The following NAV1 variants were observed in gnomAD, a reference collection of about 807,000 sequenced individuals.
The protein encoded by NAV1 is pore membrane and/or filament interacting like protein 3.
In NAV1, 18 loss-of-function variants were observed where a neutral mutation model predicts 175.2. The observed-to-expected ratio is 0.10, with a 90% CI of 0.07 to 0.15. NAV1 has a LOEUF of 0.15. Ranked by LOEUF, NAV1 falls within the 10% of genes least tolerant of loss-of-function variation. The probability of loss-of-function intolerance (pLI) is 1.00; values close to 1 mark genes in which losing one functional copy is unlikely to be tolerated. For synonymous variants in NAV1, 897 were observed against 978.7 expected, an observed-to-expected ratio of 0.92 and a Z score of 1.56; for missense variants, 1,731 against 2,436.6, an observed-to-expected ratio of 0.71 and a Z score of 6.10.
intron 1 of NAV1, among the ~76,000 whole-genome samples, chr1:201,684,578 G>A (rs1670601274): frequency 2.0e-5 from 3 of 148,800 alleles, no homozygotes; most frequent in Non-Finnish European, 3.0e-5. Flanking sequence ...AGGTTCAAGC[G>A]ATTCTCCTGC....
chr1:201,772,257 G>C (rs1448142397), intron 3 of NAV1, among the ~76,000 whole-genome samples: 1 of 152,162 alleles, frequency 6.6e-6, no homozygotes, highest in African/African-American at 2.4e-5. Flanking sequence ...TGGAAGACTT[G>C]GCATTTGATC....
chr1:201,640,191 G>T (rs1180781206), intron 2 of NAV1, among the ~76,000 whole-genome samples: 3 of 152,180 alleles, frequency 2.0e-5, no homozygotes, highest in Non-Finnish European at 4.4e-5. Context: ...CTGTAGCCCA[G>T]AGGAAAAATC....
At chr1:201,757,547 T>C (rs1014919028) in intron 3 of NAV1, among the ~76,000 whole-genome samples, 5 of 152,248 alleles carry the variant, frequency 3.3e-5, no homozygotes, top group Admixed American at 6.5e-5. Flanking sequence ...CTGCCTTCTT[T>C]CAGTTTCTAT....
chr1:201,732,953 C>T (rs1443818082), intron 3 of NAV1, among the ~76,000 whole-genome samples: 1 of 152,050 alleles, frequency 6.6e-6, no homozygotes, highest in Non-Finnish European at 1.5e-5. Context: ...TGCCTGTAAT[C>T]CCAGCTCCTC....
intron 22 of NAV1, 75 bp from the exon 27 acceptor site, chr1:201,809,871 A>G: frequency 7.3e-7 from 1 of 1,372,818 alleles, no homozygotes; most frequent in East Asian, 2.3e-5. Flanking sequence ...GTTTCCTCTG[A>G]TAGACATTCT....
At chr1:201,610,844 C>A (rs1667823431) in intron 2 of NAV1, among the ~76,000 whole-genome samples, 1 of 152,176 alleles carries the variant, frequency 6.6e-6, no homozygotes, top group Non-Finnish European at 1.5e-5. Context: ...ACACAGCCAG[C>A]CCCATCTTTT....
intron 1 of NAV1, among the ~76,000 whole-genome samples, chr1:201,684,231 G>T (rs1175929009): frequency 6.6e-6 from 1 of 152,104 alleles, no homozygotes. Flanking sequence ...TCCTTTAATG[G>T]GAGGAGGTTT....
At chr1:201,645,500 A>C (rs1668947303), upstream of NAV1, among the ~76,000 whole-genome samples, 1 of 152,040 alleles carries the variant, frequency 6.6e-6, no homozygotes, top group Non-Finnish European at 1.5e-5. Context: ...ATGTATATGT[A>C]TGTAACAAAC....
Position 201,718,264 on chromosome 1 carries a change from G to A in NAV1, c.861-126G>A, listed in dbSNP as rs750069612. 1.0e-6 allele frequency: 1 copy of A among 991,946 alleles called. No individual in the cohort carries two copies. Among genetic ancestry groups the A allele is most frequent in the Non-Finnish European group, 1.4e-6 (1 of 716,116 alleles). 61.4% of individuals were successfully genotyped at this position (991,946 alleles called of 1,614,324 possible). Reference sequence around the variant, plus strand: ...AGGCCTCATGGAGGAGGTGGAGCTTGGGCAGGTGGGGAGGAGGTGACAGGG... The same window carrying A: ...AGGCCTCATGGAGGAGGTGGAGCTTAGGCAGGTGGGGAGGAGGTGACAGGG... On this transcript the variant is annotated intron_variant, in intron 2 of 29. Transcript: ENST00000367296. The surrounding 1 kb of genome is among the most constrained non-coding windows in gnomAD (Gnocchi z 4.8).
chr1:201,781,276 A>C, exon 5 of NAV1: 1 of 1,613,466 alleles, frequency 6.2e-7, no homozygotes, highest in South Asian at 1.1e-5. Flanking sequence ...TTCCCCCATC[A>C]CTCACACAGC....
intron 2 of NAV1, among the ~76,000 whole-genome samples, chr1:201,611,530 T>G (rs2819380): frequency 0.31 from 47,862 of 152,000 alleles, 10,214 homozygotes; most frequent in African/African-American, 0.6. Context: ...TGGGGGAAGA[T>G]AACTGGAGTG....
chr1:201,776,869 A>C (rs1424831316), intron 3 of NAV1, among the ~76,000 whole-genome samples: 3 of 152,142 alleles, frequency 2.0e-5, no homozygotes, highest in Non-Finnish European at 4.4e-5. Context: ...GATGGATAAA[A>C]AATAACTCCC....
At chr1:201,666,492 T>A (rs923697571) in intron 1 of NAV1, among the ~76,000 whole-genome samples, 2 of 152,044 alleles carry the variant, frequency 1.3e-5, no homozygotes, top group East Asian at 3.9e-4. Flanking sequence ...TGAGGAGAGA[T>A]CAGGAGAAAA....
At chr1:201,629,327 G>C in intron 1 of NAV1, 77 bp from the exon 4 acceptor site, 1 of 1,052,862 alleles carries the variant, frequency 9.5e-7, no homozygotes, top group Non-Finnish European at 1.3e-6. Context: ...TTCTAAGAGG[G>C]TTTTCTTAGC....
In NAV1 at chr1:201,561,043, C is replaced by G. The variant is rs151067542; in HGVS notation, c.-144+21701C>G. Among the ~76,000 whole-genome samples, 339 of 152,306 alleles carry G rather than the reference C, an allele frequency of 2.2e-3. 2 individuals are homozygous for G. Among genetic ancestry groups the G allele is most frequent in the Middle Eastern group, 0.01 (3 of 294 alleles). On this transcript the variant is annotated intron_variant, in intron 1 of 33. Transcript: ENST00000685211. Reference sequence around the variant, plus strand: ...ATCCAGTGACTGGCTTGGGACCAACCTGGGGTGGGGCTTTGATTTCTGAAC... The same window carrying G: ...ATCCAGTGACTGGCTTGGGACCAACGTGGGGTGGGGCTTTGATTTCTGAAC...
intron 1 of NAV1, among the ~76,000 whole-genome samples, chr1:201,677,195 GA>G (rs1558058694): frequency 6.7e-6 from 1 of 149,332 alleles, no homozygotes; most frequent in Non-Finnish European, 1.5e-5. Flanking sequence ...GAGGTTGCAG[GA>G]GCCAAGACTG....
chr1:201,816,306 G>A (rs1679025314), intron 28 of NAV1, among the ~76,000 whole-genome samples: 1 of 152,130 alleles, frequency 6.6e-6, no homozygotes, highest in South Asian at 2.1e-4. Context: ...AGAAGGCAGA[G>A]ATTGCAGTGA....
At chr1:201,704,993 A>T (rs1671606059) in intron 1 of NAV1, among the ~76,000 whole-genome samples, 1 of 152,142 alleles carries the variant, frequency 6.6e-6, no homozygotes, top group Admixed American at 6.5e-5. Context: ...AAAAATTATT[A>T]TTTTTTATAG....
At chr1:201,766,589 G>A (rs1675222992) in intron 3 of NAV1, among the ~76,000 whole-genome samples, 1 of 152,000 alleles carries the variant, frequency 6.6e-6, no homozygotes, top group African/African-American at 2.4e-5. Context: ...GAGGACTATG[G>A]CTCATAATTT....
Sources: allele counts gnomAD v4.1 joint callset (sites outside exome capture counted in the v4.1 genomes callset), GRCh38; gene constraint gnomAD v4.1.1; non-coding constraint Gnocchi (gnomAD v3.1); transcripts MANE v1.5; gene names NCBI Gene and HGNC (gene_info 2026-07-23, HGNC 2026-07-21).